Variants in HDAC9 observed in about 807,000 individuals in gnomAD.
HDAC9 encodes the protein histone deacetylase 9.
In HDAC9, 41 loss-of-function variants were observed where a neutral mutation model predicts 139.4. The ratio of observed to expected loss-of-function variants is 0.29; its 90% CI spans 0.23 to 0.38. The LOEUF (loss-of-function observed/expected upper bound fraction) is 0.38, where lower values mean the gene tolerates loss of function less well. HDAC9 is among the 10% of genes least tolerant of loss of function. The probability of loss-of-function intolerance (pLI) is 1.00; values close to 1 mark genes in which losing one functional copy is unlikely to be tolerated. For missense variants in HDAC9, 1,147 were observed against 1,297.0 expected (o/e 0.88, Z 1.78); for synonymous variants, 517 against 476.2 (o/e 1.09, Z -1.12).
At chr7:18,404,924 G>C (rs1787868297) in intron 1 of HDAC9, among the ~76,000 whole-genome samples, 1 of 152,212 alleles carries the variant, frequency 6.6e-6, no homozygotes, top group Non-Finnish European at 1.5e-5. Flanking sequence ...CACCCCAGCA[G>C]CTCAGGGAAC....
At chr7:18,113,413 T>A (rs972342720) in intron 1 of HDAC9, among the ~76,000 whole-genome samples, 2 of 152,228 alleles carry the variant, frequency 1.3e-5, no homozygotes. Context: ...TGCCAACTAT[T>A]ATTTCTTTTA....
chr7:18,866,067 C>T (rs1051717360), intron 21 of HDAC9, among the ~76,000 whole-genome samples: 6 of 148,034 alleles, frequency 4.1e-5, no homozygotes, highest in Non-Finnish European at 7.4e-5. Flanking sequence ...AGAATGAAAT[C>T]CAGTGTCCTC....
upstream of HDAC9, among the ~76,000 whole-genome samples, chr7:18,285,965 G>C (rs1797422932): frequency 6.6e-6 from 1 of 151,978 alleles, no homozygotes; most frequent in African/African-American, 2.4e-5. Flanking sequence ...TTTTATGCTG[G>C]GCAACTGGTA....
At chr7:18,987,949 C>A (rs1785510956) in intron 25 of HDAC9, among the ~76,000 whole-genome samples, 1 of 135,878 alleles carries the variant, frequency 7.4e-6, no homozygotes, top group South Asian at 2.3e-4. Flanking sequence ...CTATTTGATT[C>A]TTCTCCCTTT....
chr7:18,841,447 T>A (rs1040316040), intron 21 of HDAC9, among the ~76,000 whole-genome samples: 11 of 152,086 alleles, frequency 7.2e-5, no homozygotes, highest in Non-Finnish European at 1.3e-4. Context: ...TTTTTGCTAG[T>A]TGTTCATTTT....
intron 1 of HDAC9, among the ~76,000 whole-genome samples, chr7:18,324,860 C>T (rs145517182): frequency 2.5e-4 from 38 of 152,216 alleles, no homozygotes; most frequent in African/African-American, 8.2e-4. Context: ...TGACATGAGA[C>T]GTCCTCACCA....
chr7:18,330,203 G>A (rs945585380), intron 1 of HDAC9, among the ~76,000 whole-genome samples: 4 of 151,468 alleles, frequency 2.6e-5, no homozygotes, highest in Non-Finnish European at 4.4e-5. Context: ...TGAAACCCAG[G>A]GCATCTGTAA....
At chr7:18,398,706 A>C (rs182583819) in intron 1 of HDAC9, among the ~76,000 whole-genome samples, 4 of 152,280 alleles carry the variant, frequency 2.6e-5, no homozygotes, top group Admixed American at 2.6e-4. Flanking sequence ...AAGTTTAGCC[A>C]ATTCTGATGC....
chr7:18,729,657 A>C (rs1314757994), intron 13 of HDAC9, among the ~76,000 whole-genome samples: 1 of 146,798 alleles, frequency 6.8e-6, no homozygotes, highest in African/African-American at 2.6e-5. Flanking sequence ...AACAAAGACT[A>C]GGTCATTTCA....
intron 22 of HDAC9, among the ~76,000 whole-genome samples, chr7:18,922,051 G>A (rs1360629209): frequency 2.9e-5 from 4 of 139,040 alleles, no homozygotes; most frequent in Non-Finnish European, 6.1e-5. Context: ...ACACAGGAAG[G>A]GGAACATCAC....
chr7:18,162,522 A>G, intron 2 of HDAC9: 1 of 609,666 alleles, frequency 1.6e-6, no homozygotes, highest in South Asian at 2.0e-5. Flanking sequence ...TCTATTGCTT[A>G]ACCCAGTTTG....
chr7:18,713,695 G>T (rs1344068002), intron 12 of HDAC9, among the ~76,000 whole-genome samples: 2 of 152,120 alleles, frequency 1.3e-5, no homozygotes, highest in East Asian at 3.9e-4. Context: ...ATCAACATGT[G>T]CATAATTCTG....
rs369418504 is a variant in HDAC9 at position 18,591,654 on chromosome 7, G to T, written c.542+12G>T. 8 of 1,611,878 alleles carry T rather than the reference G, an allele frequency of 5.0e-6. No individual in the cohort carries two copies. The African/African-American group carries it at 9.4e-5, about 19-fold the overall frequency. On this transcript the variant is annotated intron_variant, in intron 5 of 25. Coordinates refer to ENST00000686413, the MANE Select transcript of HDAC9 (RefSeq NM_178425.4). ...AAGCTCTGGTACACGTATGTTCAGTGTTTGGCTGTTTTCATTCCTGGGGTA... is the reference window on the plus strand; with the variant it reads ...AAGCTCTGGTACACGTATGTTCAGTTTTTGGCTGTTTTCATTCCTGGGGTA...
At chr7:18,758,788 ATT>A (rs34349667) in intron 14 of HDAC9, among the ~76,000 whole-genome samples, 34,669 of 144,444 alleles carry the variant, frequency 0.24, 4,499 homozygotes, top group East Asian at 0.42. Flanking sequence ...AGGTAGAAAC[ATT>A]TTTTTTTTTT....
chr7:18,343,429 A>G (rs919682556), intron 1 of HDAC9, among the ~76,000 whole-genome samples: 1 of 151,882 alleles, frequency 6.6e-6, no homozygotes. Flanking sequence ...GTTTAATGGA[A>G]ACAATATTAG....
At chr7:18,495,598 C>G (rs1238113013), upstream of HDAC9, 1 of 226,130 alleles carries the variant, frequency 4.4e-6, no homozygotes, top group Non-Finnish European at 7.4e-6. Flanking sequence ...TTAATGCAGG[C>G]TCCAATCACT....
intron 6 of HDAC9, among the ~76,000 whole-genome samples, chr7:18,605,273 A>G (rs1216224566): frequency 6.6e-6 from 1 of 152,204 alleles, no homozygotes; most frequent in Non-Finnish European, 1.5e-5. Context: ...GAAATGTTCT[A>G]TAACCTTACA....
intron 17 of HDAC9, among the ~76,000 whole-genome samples, chr7:18,815,540 C>G (rs891928443): frequency 2.6e-5 from 4 of 152,242 alleles, no homozygotes; most frequent in Non-Finnish European, 4.4e-5. Context: ...TGTCTCCTTC[C>G]TAACAGAAGC....
intron 1 of HDAC9, among the ~76,000 whole-genome samples, chr7:18,106,640 G>C (rs551291275): frequency 1.3e-5 from 2 of 152,208 alleles, no homozygotes; most frequent in Non-Finnish European, 2.9e-5. Flanking sequence ...TTTTGGTAAA[G>C]ATGGGGTTTC....
Sources: gnomAD v4.1 joint callset for allele counts (sites outside exome capture counted in the v4.1 genomes callset) on GRCh38, gnomAD v4.1.1 for gene constraint, MANE v1.5 for transcripts, NCBI Gene and HGNC (gene_info 2026-07-23, HGNC 2026-07-21) for gene names.